Variants in PRKCI observed in about 807,000 individuals in gnomAD.
The protein encoded by PRKCI is protein kinase C iota type.
A neutral mutation model predicts 84.0 loss-of-function variants in PRKCI; 43 were observed. That is an observed-to-expected ratio of 0.51 (90% CI 0.40 to 0.66). The LOEUF is 0.66. Ranked by LOEUF, PRKCI falls within the 30% of genes least tolerant of loss-of-function variation. The pLI, the probability that PRKCI is intolerant of heterozygous loss-of-function variation, is 0.00. For missense variants in PRKCI, 459 were observed against 745.6 expected, an observed-to-expected ratio of 0.62 and a Z score of 4.48; for synonymous variants, 216 against 234.4, an observed-to-expected ratio of 0.92 and a Z score of 0.72.
At position 170,223,206 on chromosome 3, in the gene PRKCI, G is replaced by C. The variant is rs568805495; in HGVS notation, c.101+436G>C. Among the ~76,000 whole-genome samples, 33 of 152,274 alleles carry C rather than the reference G, an allele frequency of 2.2e-4. No homozygotes were observed. In the South Asian group the frequency reaches 6.2e-3, roughly 29 times the overall value. ...ACTTCTTCAGTTAGCTGTCCGTTTT[G>C]ATTACCAGCAGGCCTAACGCCTCTG... On this transcript the variant is annotated intron_variant, in intron 1 of 17. Transcript: ENST00000295797.
intron 2 of PRKCI, among the ~76,000 whole-genome samples, chr3:170,257,852 C>T (rs1705586): frequency 0.25 from 38,395 of 151,524 alleles, 5,528 homozygotes; most frequent in African/African-American, 0.39. Flanking sequence ...TTCGTAGAGA[C>T]GGGGTTTCAC....
intron 16 of PRKCI, among the ~76,000 whole-genome samples, chr3:170,298,353 C>T (rs944113135): frequency 2.0e-5 from 3 of 151,656 alleles, no homozygotes; most frequent in Admixed American, 2.0e-4. Context: ...TGTAACCTCC[C>T]AAGTAGCTGG....
chr3:170,243,740 T>G (rs1560169237), intron 2 of PRKCI, among the ~76,000 whole-genome samples: 1 of 152,210 alleles, frequency 6.6e-6, no homozygotes, highest in Non-Finnish European at 1.5e-5. Flanking sequence ...CTGAAAAGTT[T>G]TCCTGCACTC....
At chr3:170,265,708 G>A (rs1733842807) in intron 4 of PRKCI, among the ~76,000 whole-genome samples, 1 of 151,004 alleles carries the variant, frequency 6.6e-6, no homozygotes, top group African/African-American at 2.4e-5. Flanking sequence ...TCTGCCTCCT[G>A]GGTTCATGCC....
At chr3:170,252,592 T>A (rs1733481375) in intron 2 of PRKCI, among the ~76,000 whole-genome samples, 1 of 152,040 alleles carries the variant, frequency 6.6e-6, no homozygotes, top group South Asian at 2.1e-4. Flanking sequence ...TTTTCTTTTT[T>A]ACTTTTTCTA....
chr3:170,249,220 A>G (rs1157819589), intron 2 of PRKCI, among the ~76,000 whole-genome samples: 2 of 152,150 alleles, frequency 1.3e-5, no homozygotes, highest in African/African-American at 2.4e-5. Context: ...GAAATGTGGA[A>G]ATCACAGTTT....
At chr3:170,277,056 C>CA (rs1179290944) in intron 8 of PRKCI, among the ~76,000 whole-genome samples, 1 of 140,850 alleles carries the variant, frequency 7.1e-6, no homozygotes, top group Non-Finnish European at 1.5e-5. Context: ...GCCTGGCTGA[C>CA]ATAGTGAAAC....
chr3:170,266,918 A>T (rs1378460360), intron 4 of PRKCI, among the ~76,000 whole-genome samples: 1 of 152,190 alleles, frequency 6.6e-6, no homozygotes, highest in African/African-American at 2.4e-5. Flanking sequence ...GCTTAAACCC[A>T]GGAGGCGGAG....
chr3:170,274,735 A>G (rs943951727), intron 7 of PRKCI, among the ~76,000 whole-genome samples: 1 of 151,940 alleles, frequency 6.6e-6, no homozygotes, highest in Admixed American at 6.6e-5. Context: ...TTTTGCCCCA[A>G]GTAGCTTTAA....
intron 1 of PRKCI, among the ~76,000 whole-genome samples, chr3:170,227,440 A>G (rs986554695): frequency 1.3e-5 from 2 of 152,216 alleles, no homozygotes; most frequent in South Asian, 2.1e-4. Context: ...TGAAGTACCT[A>G]TGTAAGGTAT....
intron 14 of PRKCI, among the ~76,000 whole-genome samples, chr3:170,294,892 G>A (rs1458218644): frequency 6.6e-6 from 1 of 151,858 alleles, no homozygotes; most frequent in Non-Finnish European, 1.5e-5. Flanking sequence ...TTCCTGGAAT[G>A]CCTTAAATAT....
chr3:170,293,355 T>C lies in PRKCI; in HGVS notation c.1292-28T>C, dbSNP rs762654042. The C allele has an allele frequency of 9.4e-6, 15 of 1,592,598 alleles. No homozygotes were observed. In the African/African-American group the frequency reaches 1.1e-4, roughly 12 times the overall value. ...ACTTTCAAGAATGCAAAGTGTATAATTTATTGCTTTAAAATTTCTTTCTGA... is the reference window on the plus strand; with the variant it reads ...ACTTTCAAGAATGCAAAGTGTATAACTTATTGCTTTAAAATTTCTTTCTGA... On this transcript the variant is annotated intron_variant, in intron 13 of 17. Coordinates refer to ENST00000295797, the MANE Select transcript of PRKCI (RefSeq NM_002740.6).
rs775721479 is a variant in PRKCI at position 170,274,074 on chromosome 3, A to G, written c.646+734A>G. ...AATTCAGCAAACTCAGTTTTTTTCC[A>G]TAATGAAAAACATGAGGCTGATTTT... On this transcript the variant is annotated intron_variant, in intron 7 of 17. Transcript: ENST00000295797. 3.9e-5 allele frequency among the ~76,000 whole-genome samples: 6 copies of G among 152,156 alleles called. No individual in the cohort carries two copies. In the South Asian group the frequency reaches 8.3e-4, roughly 21 times the overall value.
Position 170,305,797 on chromosome 3 carries a change from G to C in PRKCI, c.*2670G>C, listed in dbSNP as rs1364573178. ...CATAAGCATGTGGTCAGATCATTTT[G>C]TGCATATGCAGCCTGGATTGGATGT... On this transcript the variant is annotated 3_prime_UTR_variant, in exon 18 of 18. Transcript: ENST00000295797. The C allele has an allele frequency of 1.3e-5, 2 of 152,126 alleles. No individual in the cohort carries two copies. Among genetic ancestry groups the C allele is most frequent in the African/African-American group, 2.4e-5 (1 of 41,436 alleles). The allele number at this position is 152,126 out of a possible 1,614,324, so 9.4% of individuals were successfully genotyped here. A position where few individuals can be genotyped will look rare whatever the true frequency, so the allele number is the denominator to read the frequency against.
intron 14 of PRKCI, among the ~76,000 whole-genome samples, chr3:170,295,165 C>T (rs542161211): frequency 4.6e-5 from 7 of 151,704 alleles, no homozygotes; most frequent in Admixed American, 1.3e-4. Context: ...GAGCTGAGAT[C>T]GTGCCACTGC....
In PRKCI at chr3:170,264,276, C is replaced by A. The variant is rs576209790; in HGVS notation, c.364+847C>A. On this transcript the variant is annotated intron_variant, in intron 4 of 17. Coordinates refer to ENST00000295797, the MANE Select transcript of PRKCI (RefSeq NM_002740.6). ...TTTTTTACTTAAACAGGTATTAAGT[C>A]ACTTTTGTTGTTGTTGTTTTTGAGA... Among the ~76,000 whole-genome samples, 37 of 146,538 alleles carry A rather than the reference C, an allele frequency of 2.5e-4. No individual in the cohort carries two copies. The South Asian group carries it at 7.3e-3, about 29-fold the overall frequency.
chr3:170,288,925 GA>G (rs1734468234), intron 12 of PRKCI, among the ~76,000 whole-genome samples: 1 of 152,188 alleles, frequency 6.6e-6, no homozygotes, highest in Non-Finnish European at 1.5e-5. Flanking sequence ...GGATAGTGAT[GA>G]AAACTTGAAT....
intron 1 of PRKCI, among the ~76,000 whole-genome samples, chr3:170,228,652 C>T (rs1304198635): frequency 6.6e-6 from 1 of 152,008 alleles, no homozygotes; most frequent in South Asian, 2.1e-4. Flanking sequence ...TATACATACA[C>T]ACACATATAA....
intron 12 of PRKCI, among the ~76,000 whole-genome samples, chr3:170,287,054 A>G (rs1044815303): frequency 2.6e-5 from 4 of 152,144 alleles, no homozygotes; most frequent in Admixed American, 2.0e-4. Context: ...TAAAAAATAC[A>G]TAACACATGA....
Sources: gnomAD v4.1 joint callset for allele counts (sites outside exome capture counted in the v4.1 genomes callset) on GRCh38, gnomAD v4.1.1 for gene constraint, MANE v1.5 for transcripts, NCBI Gene and HGNC (gene_info 2026-07-23, HGNC 2026-07-21) for gene names.